The following KCTD2 variants were observed in gnomAD, a reference collection of about 807,000 sequenced individuals.
The protein encoded by KCTD2 is BTB/POZ domain-containing protein KCTD2.
KCTD2 carries 18 observed loss-of-function variants against 27.9 expected under a neutral mutation model. The observed-to-expected ratio is 0.64, with a 90% CI of 0.45 to 0.96. The LOEUF is 0.96. KCTD2 is among the 40% of genes least tolerant of loss of function. The pLI is 0.00. For synonymous variants in KCTD2, 175 were observed against 148.4 expected, an observed-to-expected ratio of 1.18 and a Z score of -1.30; for missense variants, 280 against 348.0, an observed-to-expected ratio of 0.80 and a Z score of 1.56.
At chr17:75,053,183 C>A in intron 3 of KCTD2, 78 bp downstream of exon 3, 1 of 1,139,770 alleles carries the variant, frequency 8.8e-7, no homozygotes, top group Non-Finnish European at 1.3e-6. Flanking sequence ...AAAAGGATGC[C>A]TTTACCCTTA....
At chr17:75,040,256 C>T in intron 3 of KCTD2, 1 of 1,464,696 alleles carries the variant, frequency 6.8e-7, no homozygotes. Context: ...GCTCAAAGGG[C>T]TGGAAGCTAC....
chr17:75,045,910 A>C (rs890216761), upstream of KCTD2, among the ~76,000 whole-genome samples: 2 of 152,234 alleles, frequency 1.3e-5, no homozygotes, highest in African/African-American at 4.8e-5. Flanking sequence ...TTATGTTTAG[A>C]GATTGCAGTA....
chr17:75,034,677 C>T (rs1481601927), intron 2 of KCTD2, among the ~76,000 whole-genome samples: 1 of 152,122 alleles, frequency 6.6e-6, no homozygotes, highest in Non-Finnish European at 1.5e-5. Flanking sequence ...CATGCGGTGA[C>T]GACGCGCGGG....
At chr17:75,042,848 T>C (rs2073174567), upstream of KCTD2, among the ~76,000 whole-genome samples, 1 of 150,184 alleles carries the variant, frequency 6.7e-6, no homozygotes. Flanking sequence ...ATCACTGCAC[T>C]CCAGCCTGGG....
At chr17:75,037,940 T>A (rs949004256) in intron 3 of KCTD2, among the ~76,000 whole-genome samples, 3 of 151,634 alleles carry the variant, frequency 2.0e-5, no homozygotes, top group African/African-American at 7.3e-5. Flanking sequence ...TCCGAGCTAC[T>A]CAGGAGGCTA....
intron 2 of KCTD2, among the ~76,000 whole-genome samples, chr17:75,034,403 G>C (rs1251042251): frequency 2.0e-5 from 3 of 152,146 alleles, no homozygotes; most frequent in Non-Finnish European, 2.9e-5. Context: ...GGCACCAAAA[G>C]AAACCTTGCG....
chr17:75,056,952 C>CTTTTTTTTTTTTTTTTTTTTTTT (rs35875644), intron 3 of KCTD2, among the ~76,000 whole-genome samples: 7 of 107,988 alleles, frequency 6.5e-5, no homozygotes, highest in South Asian at 3.0e-4. Flanking sequence ...TTTCTTTTTT[C>CTTTTTTTTTTTTTTTTTTTTTTT]TTTTTTTTTT....
chr17:75,061,068 T>C (rs1359832616), intron 4 of KCTD2, among the ~76,000 whole-genome samples: 2 of 152,248 alleles, frequency 1.3e-5, no homozygotes, highest in Non-Finnish European at 2.9e-5. Flanking sequence ...TTTTTTAATG[T>C]ATTCTTTGTG....
chr17:75,049,285 C>T lies in KCTD2; in HGVS notation c.405C>T (p.Leu135=). 6.2e-7 allele frequency: 1 copy of T among 1,613,796 alleles called. No individual in the cohort carries two copies. The highest frequency in any genetic ancestry group is 8.5e-7 in the Non-Finnish European group (1 of 1,179,670). Residue 135 remains leucine (L), a synonymous_variant, in exon 2 of 6, where the codon CTC becomes CTT. Transcript: ENST00000322444. ...PTYFGPILNY[L]RHGKLIITKE... ...ACTTTGGTCCTATCCTCAACTACCT[C>T]CGCCACGGGAAACTCATCATCACTA...
At chr17:75,036,067 T>A (rs1216594239) in intron 3 of KCTD2, 1 of 454,060 alleles carries the variant, frequency 2.2e-6, no homozygotes, top group South Asian at 1.6e-5. Context: ...TTTTTCTTCT[T>A]CCCTGAGACG....
chr17:75,039,508 T>G, intron 3 of KCTD2: 1 of 510,144 alleles, frequency 2.0e-6, no homozygotes. Context: ...CTTCTGCAAG[T>G]TCCTCATCCG....
At chr17:75,042,381 C>T (rs758879814), upstream of KCTD2, 54 of 1,499,430 alleles carry the variant, frequency 3.6e-5, 1 homozygote, top group Middle Eastern at 8.7e-4. Flanking sequence ...GGTCACCACA[C>T]TTTCCTCTCC....
At chr17:75,046,697 C>A (rs2073222603), upstream of KCTD2, among the ~76,000 whole-genome samples, 1 of 152,230 alleles carries the variant, frequency 6.6e-6, no homozygotes, top group South Asian at 2.1e-4. Context: ...CCTACATCAG[C>A]GGCGCCTGGG....
At chr17:75,051,874 C>G (rs1383305246) in intron 2 of KCTD2, among the ~76,000 whole-genome samples, 1 of 152,122 alleles carries the variant, frequency 6.6e-6, no homozygotes, top group Non-Finnish European at 1.5e-5. Flanking sequence ...AAATTTATTC[C>G]TATAGGATCA....
chr17:75,059,446 C>T (rs763840671), intron 3 of KCTD2, 64 bp from the exon 4 acceptor site: 43 of 1,121,202 alleles, frequency 3.8e-5, no homozygotes, highest in Admixed American at 4.9e-5. Flanking sequence ...GAAGAGCCTC[C>T]TTGGGGCAGC....
rs2073423008 is a variant in KCTD2 at position 75,063,268 on chromosome 17, C to A, written c.*221C>A. On this transcript the variant is annotated 3_prime_UTR_variant, in exon 6 of 6. Transcript: ENST00000322444. The stretch of plus-strand genomic sequence containing the variant: ...GGCTGCAGAATACCTTTTCAGAAAC[C>A]TGCTTTCATTTGCTTAGCCAGTATT... 1 of 595,690 alleles carries A rather than the reference C, an allele frequency of 1.7e-6. No individual in the cohort carries two copies. The highest frequency in any genetic ancestry group is 2.0e-5 in the South Asian group (1 of 50,280). The allele number at this position is 595,690 out of a possible 1,614,324, so 36.9% of individuals were successfully genotyped here.
chr17:75,062,029 A>T (rs943323101), intron 4 of KCTD2, 91 bp from the exon 5 acceptor site: 44 of 1,461,888 alleles, frequency 3.0e-5, no homozygotes, highest in Admixed American at 2.0e-4. Flanking sequence ...ATAACTTAAA[A>T]GTTCAGTCGG....
At position 75,051,277 on chromosome 17, in the gene KCTD2, C is replaced by CTTTTTT. The variant is rs35794705; in HGVS notation, c.449-1718_449-1713dup. 9.3e-5 allele frequency among the ~76,000 whole-genome samples: 6 copies of CTTTTTT among 64,630 alleles called. No individual in the cohort carries two copies. The East Asian group carries it at 2.4e-3, about 26-fold the overall frequency. 42.4% of individuals were successfully genotyped at this position (64,630 alleles called of 152,430 possible). ...ACAGACATGAGCCACCGCGCCCGAC[C>CTTTTTT]TTTTTTTTTTTTTTTTTTTTTTTTG... On this transcript the variant is annotated intron_variant, in intron 2 of 5. Coordinates refer to ENST00000322444, the MANE Select transcript of KCTD2 (RefSeq NM_015353.3).
chr17:75,043,765 C>A (rs1297195718), upstream of KCTD2, among the ~76,000 whole-genome samples: 2 of 152,144 alleles, frequency 1.3e-5, no homozygotes, highest in East Asian at 3.8e-4. Context: ...TAGACAGAAA[C>A]TGACACACAC....
Sources: allele counts gnomAD v4.1 joint callset (sites outside exome capture counted in the v4.1 genomes callset), GRCh38; gene constraint gnomAD v4.1.1; transcripts MANE v1.5; gene names NCBI Gene and HGNC (gene_info 2026-07-23, HGNC 2026-07-21).